The following DYM variants were observed in gnomAD, a reference collection of about 807,000 sequenced individuals.
DYM encodes dymeclin.
A neutral mutation model predicts 93.1 loss-of-function variants in DYM; 78 were observed. The ratio of observed to expected loss-of-function variants is 0.84; its 90% CI spans 0.70 to 1.01. The LOEUF (loss-of-function observed/expected upper bound fraction) is 1.01. Ranked by LOEUF, DYM falls within the 50% of genes least tolerant of loss-of-function variation. The probability of loss-of-function intolerance (pLI) is 0.00; values close to 1 mark genes in which losing one functional copy is unlikely to be tolerated. For missense variants in DYM, 789 were observed against 845.0 expected, an observed-to-expected ratio of 0.93 and a Z score of 0.82; for synonymous variants, 321 against 319.7, an observed-to-expected ratio of 1.00 and a Z score of -0.04.
intron 17 of DYM, among the ~76,000 whole-genome samples, chr18:49,084,129 C>T (rs1341018367): frequency 6.6e-6 from 1 of 152,044 alleles, no homozygotes; most frequent in Non-Finnish European, 1.5e-5. Flanking sequence ...TATAAATTTT[C>T]CTGTAAGCAC....
At chr18:49,260,184 T>C (rs962633194) in intron 11 of DYM, among the ~76,000 whole-genome samples, 6 of 151,602 alleles carry the variant, frequency 4.0e-5, no homozygotes, top group Non-Finnish European at 8.8e-5. Flanking sequence ...AGGCCAGGAG[T>C]TCAAGACCAG....
chr18:49,330,346 C>G (rs1475952978), intron 8 of DYM, among the ~76,000 whole-genome samples: 1 of 152,062 alleles, frequency 6.6e-6, no homozygotes, highest in African/African-American at 2.4e-5. Flanking sequence ...TCAGAAATCA[C>G]CATCTCAACC....
rs567658123 is a variant in DYM, at chr18:49,437,925, C to T, written c.-53-7478G>A. ...CCACAAAATTAAGTCTTAAATCAAA[C>T]ACCTGTACACCTGTAATCCCAGCAC... On this transcript the variant is annotated intron_variant, in intron 1 of 17. Transcript: ENST00000675505. Among the ~76,000 whole-genome samples the T allele has an allele frequency of 1.2e-4, 18 of 152,234 alleles. No homozygotes were observed. The South Asian group carries it at 3.7e-3, about 32-fold the overall frequency.
At chr18:49,390,573 T>A in intron 3 of DYM, 1 of 152,220 alleles carries the variant, frequency 6.6e-6, no homozygotes, top group Non-Finnish European at 1.5e-5. Flanking sequence ...AGTGGCGCGA[T>A]CTCGGCTCAC....
At chr18:49,342,233 G>T (rs987802497) in intron 6 of DYM, among the ~76,000 whole-genome samples, 1 of 152,148 alleles carries the variant, frequency 6.6e-6, no homozygotes, top group South Asian at 2.1e-4. Context: ...TGGATCTCTT[G>T]TTCCATCTTC....
At chr18:49,416,620 G>A (rs1219270653) in intron 2 of DYM, among the ~76,000 whole-genome samples, 1 of 152,280 alleles carries the variant, frequency 6.6e-6, no homozygotes, top group East Asian at 1.9e-4. Flanking sequence ...TTACTGAGAT[G>A]TAGGACTTTC....
intron 1 of DYM, among the ~76,000 whole-genome samples, chr18:49,436,410 A>G (rs2148523479): frequency 6.6e-6 from 1 of 152,308 alleles, no homozygotes; most frequent in Admixed American, 6.5e-5. Context: ...GGGATTCTGC[A>G]TTAATTTCAT....
chr18:49,275,307 A>G (rs1421103273), intron 10 of DYM, among the ~76,000 whole-genome samples: 1 of 152,178 alleles, frequency 6.6e-6, no homozygotes, highest in Non-Finnish European at 1.5e-5. Context: ...TAGACTCTCA[A>G]TTCAACTCCA....
intron 5 of DYM, among the ~76,000 whole-genome samples, chr18:49,371,198 C>A (rs929915805): frequency 2.6e-5 from 4 of 152,150 alleles, no homozygotes; most frequent in African/African-American, 4.8e-5. Context: ...TTATTTGGAG[C>A]CTCAAATAAG....
intron 14 of DYM, among the ~76,000 whole-genome samples, chr18:49,190,066 C>T (rs1272996297): frequency 6.6e-6 from 1 of 152,180 alleles, no homozygotes; most frequent in Non-Finnish European, 1.5e-5. Context: ...GACAAGAAAA[C>T]AGCAAGATAA....
At chr18:49,069,933 C>G (rs967321468) in intron 17 of DYM, among the ~76,000 whole-genome samples, 2 of 152,188 alleles carry the variant, frequency 1.3e-5, no homozygotes, top group African/African-American at 2.4e-5. Context: ...CCCAGCTACT[C>G]GGGAGGCTGA....
intron 15 of DYM, among the ~76,000 whole-genome samples, chr18:49,129,048 T>G (rs2083117590): frequency 1.3e-5 from 2 of 151,920 alleles, no homozygotes; most frequent in Admixed American, 6.5e-5. Flanking sequence ...TCATTCTTTC[T>G]TGGGAAGAAG....
chr18:49,417,087 C>T (rs1366077039), intron 2 of DYM, among the ~76,000 whole-genome samples: 1 of 152,128 alleles, frequency 6.6e-6, no homozygotes, highest in Non-Finnish European at 1.5e-5. Flanking sequence ...CATCTGGCCA[C>T]GTTTCCTTTA....
intron 6 of DYM, among the ~76,000 whole-genome samples, chr18:49,362,226 G>A (rs542705303): frequency 8.5e-5 from 13 of 152,110 alleles, no homozygotes; most frequent in East Asian, 1.9e-4. Flanking sequence ...GGCCAGGCAC[G>A]GTGGCTCACA....
chr18:49,270,008 A>G (rs1245137435), intron 11 of DYM, among the ~76,000 whole-genome samples: 15 of 152,208 alleles, frequency 9.9e-5, no homozygotes, highest in Non-Finnish European at 1.9e-4. Context: ...CTATGTTTAG[A>G]TAAACAAATA....
chr18:49,372,354 T>C (rs77374181), intron 5 of DYM, among the ~76,000 whole-genome samples: 1,749 of 152,294 alleles, frequency 0.011, 14 homozygotes, highest in Middle Eastern at 0.02. Flanking sequence ...GTAAAAATAA[T>C]TACATATGCC....
rs143058088 is a variant in DYM at position 49,141,704 on chromosome 18, A to T, written c.1728+21981T>A. Among the ~76,000 whole-genome samples the T allele has an allele frequency of 1.2e-4, 18 of 152,184 alleles. 1 individual carries two copies. In the East Asian group the frequency reaches 3.5e-3, roughly 29 times the overall value. On this transcript the variant is annotated intron_variant, in intron 15 of 17. Coordinates refer to ENST00000675505, the MANE Select transcript of DYM (RefSeq NM_001353214.3). Reference sequence around the variant, plus strand: ...AGGATTCTTGCGATTCTCTTGCATTATGTCCCTGTTATTTTAGCTCCATTT... The same window carrying T: ...AGGATTCTTGCGATTCTCTTGCATTTTGTCCCTGTTATTTTAGCTCCATTT...
chr18:49,427,699 T>C (rs2074417959), intron 2 of DYM, among the ~76,000 whole-genome samples: 1 of 152,084 alleles, frequency 6.6e-6, no homozygotes, highest in Admixed American at 6.6e-5. Flanking sequence ...TACAATGGAG[T>C]ATCACTCAAC....
At chr18:49,303,972 C>T (rs2061117783) in intron 8 of DYM, among the ~76,000 whole-genome samples, 2 of 152,196 alleles carry the variant, frequency 1.3e-5, no homozygotes, top group South Asian at 2.1e-4. Context: ...CATGCACATA[C>T]ATGCACACAC....
Sources: gnomAD v4.1 joint callset for allele counts (sites outside exome capture counted in the v4.1 genomes callset) on GRCh38, gnomAD v4.1.1 for gene constraint, MANE v1.5 for transcripts, NCBI Gene and HGNC (gene_info 2026-07-23, HGNC 2026-07-21) for gene names.